Variants in GALNT10 observed in about 807,000 individuals in gnomAD.
The protein encoded by GALNT10 is GalNAc transferase 10.
A neutral mutation model predicts 75.0 loss-of-function variants in GALNT10; 41 were observed. That is an observed-to-expected ratio of 0.55 (90% CI 0.43 to 0.71). The LOEUF is 0.71. Ranked by LOEUF, GALNT10 falls within the 30% of genes least tolerant of loss-of-function variation. The probability of loss-of-function intolerance (pLI) is 0.00; values close to 1 mark genes in which losing one functional copy is unlikely to be tolerated. For synonymous variants in GALNT10, 302 were observed against 313.0 expected, an observed-to-expected ratio of 0.96 and a Z score of 0.37; for missense variants, 727 against 818.5, an observed-to-expected ratio of 0.89 and a Z score of 1.36.
At chr5:154,223,944 C>T (rs1441104023) in intron 1 of GALNT10, among the ~76,000 whole-genome samples, 1 of 151,340 alleles carries the variant, frequency 6.6e-6, no homozygotes, top group African/African-American at 2.4e-5. Flanking sequence ...AAAAACTAAA[C>T]AACAACAGCA....
At chr5:154,371,567 C>CGTGT (rs1561674389) in intron 4 of GALNT10, among the ~76,000 whole-genome samples, 12 of 56,238 alleles carry the variant, frequency 2.1e-4, no homozygotes, top group Middle Eastern at 7.2e-3. Context: ...TGTGTGTACA[C>CGTGT]ACACACACAC....
intron 3 of GALNT10, among the ~76,000 whole-genome samples, chr5:154,317,025 T>G (rs1754602656): frequency 1.3e-5 from 2 of 152,224 alleles, no homozygotes; most frequent in Non-Finnish European, 2.9e-5. Flanking sequence ...ACTGTCTCAC[T>G]TGGTTCTCAT....
At chr5:154,226,489 G>T (rs1753066292) in intron 1 of GALNT10, among the ~76,000 whole-genome samples, 1 of 152,096 alleles carries the variant, frequency 6.6e-6, no homozygotes, top group Non-Finnish European at 1.5e-5. Flanking sequence ...TTTACTCTCA[G>T]TATATTCAAT....
intron 4 of GALNT10, among the ~76,000 whole-genome samples, chr5:154,332,692 A>G (rs939671983): frequency 3.9e-5 from 6 of 152,220 alleles, no homozygotes; most frequent in South Asian, 2.1e-4. Flanking sequence ...CTACCCATGC[A>G]TACAGAAAAC....
chr5:154,222,668 G>A (rs1753001332), intron 1 of GALNT10, among the ~76,000 whole-genome samples: 1 of 152,210 alleles, frequency 6.6e-6, no homozygotes, highest in Non-Finnish European at 1.5e-5. Context: ...TAGATGTGAA[G>A]AAGTGACATC....
intron 3 of GALNT10, among the ~76,000 whole-genome samples, chr5:154,303,717 A>G (rs185234913): frequency 1.1e-3 from 170 of 152,332 alleles, no homozygotes; most frequent in African/African-American, 4.0e-3. Context: ...AAAAGGATCA[A>G]ACTGTTTCCA....
At chr5:154,302,599 G>C (rs975075344) in intron 3 of GALNT10, among the ~76,000 whole-genome samples, 9 of 152,206 alleles carry the variant, frequency 5.9e-5, no homozygotes, top group Non-Finnish European at 1.0e-4. Context: ...TAGGTGGTCA[G>C]TTTCTCCTAT....
Position 154,416,374 on chromosome 5 carries a change from A to C in GALNT10, c.1654-440A>C, listed in dbSNP as rs937721268. 6.6e-6 allele frequency among the ~76,000 whole-genome samples: 1 copy of C among 152,196 alleles called. No homozygotes were observed. Among genetic ancestry groups the C allele is most frequent in the East Asian group, 1.9e-4 (1 of 5,196 alleles). On this transcript the variant is annotated intron_variant, in intron 11 of 11. Coordinates refer to ENST00000297107, the MANE Select transcript of GALNT10 (RefSeq NM_198321.4). This position sits in a 1 kb window ranked among gnomAD's most constrained non-coding sequence, Gnocchi z 4.5. Reference sequence around the variant, plus strand: ...CTTGAACCTGAGAGGCAGAGGTTGCAGTGAGCCAAGATTGTGCCACTACAC... The same window carrying C: ...CTTGAACCTGAGAGGCAGAGGTTGCCGTGAGCCAAGATTGTGCCACTACAC...
At chr5:154,345,321 T>C (rs1270279754) in intron 4 of GALNT10, among the ~76,000 whole-genome samples, 1 of 152,224 alleles carries the variant, frequency 6.6e-6, no homozygotes, top group Non-Finnish European at 1.5e-5. Flanking sequence ...ATTTAAGATC[T>C]ATTCTTTTAG....
rs553861005 is a variant in GALNT10 at position 154,277,930 on chromosome 5, A to G, written c.160-16886A>G. On this transcript the variant is annotated intron_variant, in intron 1 of 11. Coordinates refer to ENST00000297107, the MANE Select transcript of GALNT10 (RefSeq NM_198321.4). ...AAGGATCTCCAATCTGTCCTGTATC[A>G]TAGACATAAATCATTGTCTTTTATG... Among the ~76,000 whole-genome samples the G allele has an allele frequency of 1.1e-4, 17 of 152,322 alleles. No homozygotes were observed. The East Asian group carries it at 3.1e-3, about 28-fold the overall frequency.
intron 4 of GALNT10, among the ~76,000 whole-genome samples, chr5:154,374,086 C>G (rs1561675189): frequency 6.6e-6 from 1 of 152,110 alleles, no homozygotes; most frequent in Non-Finnish European, 1.5e-5. Flanking sequence ...GTGTTCCTGA[C>G]CAAACAGCAG....
intron 4 of GALNT10, among the ~76,000 whole-genome samples, chr5:154,368,512 C>T (rs780928301): frequency 2.6e-5 from 4 of 152,178 alleles, no homozygotes; most frequent in African/African-American, 4.8e-5. Flanking sequence ...TTCCAAGCTG[C>T]TCATCAAAAG....
At chr5:154,341,541 T>TG (rs1221642508) in intron 4 of GALNT10, among the ~76,000 whole-genome samples, 1 of 152,156 alleles carries the variant, frequency 6.6e-6, no homozygotes, top group Non-Finnish European at 1.5e-5. Context: ...TCAGAACATA[T>TG]GGTTTAGAAT....
chr5:154,310,043 C>T (rs886817782), intron 3 of GALNT10, among the ~76,000 whole-genome samples: 5 of 152,118 alleles, frequency 3.3e-5, no homozygotes, highest in Non-Finnish European at 7.4e-5. Context: ...CAGGTTATGG[C>T]GAGAGCGGTA....
intron 3 of GALNT10, among the ~76,000 whole-genome samples, chr5:154,325,584 T>C (rs1754744781): frequency 6.7e-6 from 1 of 150,252 alleles, no homozygotes; most frequent in African/African-American, 2.5e-5. Context: ...AAATACATCA[T>C]ATTAATAAAA....
At chr5:154,242,084 A>C (rs139311801) in intron 1 of GALNT10, among the ~76,000 whole-genome samples, 2 of 152,280 alleles carry the variant, frequency 1.3e-5, no homozygotes, top group African/African-American at 4.8e-5. Flanking sequence ...TGGGCAGGGC[A>C]AGGTAACTCC....
intron 1 of GALNT10, among the ~76,000 whole-genome samples, chr5:154,277,301 T>TG (rs948541065): frequency 6.6e-6 from 1 of 151,760 alleles, no homozygotes; most frequent in Non-Finnish European, 1.5e-5. Flanking sequence ...CATACTAGGC[T>TG]GGGTTTGTTC....
chr5:154,312,202 C>T (rs1215928950), intron 3 of GALNT10, among the ~76,000 whole-genome samples: 1 of 152,164 alleles, frequency 6.6e-6, no homozygotes, highest in Non-Finnish European at 1.5e-5. Context: ...TCTCTCCCTT[C>T]ATTAAGATGG....
intron 4 of GALNT10, among the ~76,000 whole-genome samples, chr5:154,359,602 C>T (rs1289546038): frequency 6.6e-6 from 1 of 151,124 alleles, no homozygotes; most frequent in Non-Finnish European, 1.5e-5. Flanking sequence ...CTTGTAAATC[C>T]TATATCCTTT....
Sources: allele counts gnomAD v4.1 joint callset (sites outside exome capture counted in the v4.1 genomes callset), GRCh38; gene constraint gnomAD v4.1.1; non-coding constraint Gnocchi (gnomAD v3.1); transcripts MANE v1.5; gene names NCBI Gene and HGNC (gene_info 2026-07-23, HGNC 2026-07-21).